TAF12: variants seen among roughly 807,000 people sequenced by gnomAD.
The protein encoded by TAF12 is transcription initiation factor TFIID subunit 12.
TAF12 carries 3 observed loss-of-function variants against 20.8 expected under a neutral mutation model. That is an observed-to-expected ratio of 0.14 (90% CI 0.07 to 0.37). The LOEUF is 0.37. Among genes scored for constraint, TAF12 ranks in the 10% least tolerant of loss-of-function variants. The pLI, the probability that TAF12 is intolerant of heterozygous loss-of-function variation, is 1.00. For missense variants in TAF12, 131 were observed against 197.9 expected (o/e 0.66, Z 2.03); for synonymous variants, 69 against 70.2 (o/e 0.98, Z 0.09).
At chr1:28,617,108 G>A (rs1570308339) in intron 3 of TAF12, among the ~76,000 whole-genome samples, 1 of 151,734 alleles carries the variant, frequency 6.6e-6, no homozygotes, top group Admixed American at 6.6e-5. Flanking sequence ...CATCAACAGC[G>A]AAACTCCGTC....
At chr1:28,607,359 G>A (rs1666700068) in intron 4 of TAF12, among the ~76,000 whole-genome samples, 1 of 151,508 alleles carries the variant, frequency 6.6e-6, no homozygotes, top group African/African-American at 2.4e-5. Context: ...TAGTGAGACT[G>A]CATTGTTACT....
In TAF12 at chr1:28,618,162, T is replaced by C. The variant is rs113818791; in HGVS notation, c.169-132A>G. 6.9e-6 allele frequency: 5 copies of C among 728,946 alleles called. No individual in the cohort carries two copies. In the African/African-American group the frequency reaches 7.1e-5, roughly 10 times the overall value. The allele number at this position is 728,946 out of a possible 1,614,324, so 45.2% of individuals were successfully genotyped here. On this transcript the variant is annotated intron_variant, in intron 2 of 5. Coordinates refer to ENST00000373824, the MANE Select transcript of TAF12 (RefSeq NM_005644.4). ...TTTCCAATGAGTTCACAGTCTGGCC[T>C]ACCTGACTATGCTGCTGTAAGACTA...
chr1:28,603,448 T>C lies in TAF12; in HGVS notation c.*91A>G. ...AAAATATATGCTTCTCTGTAAAGCA[T>C]TAAAAAAAAAAATCCAAGGATGAGA... On this transcript the variant is annotated 3_prime_UTR_variant, in exon 6 of 6. Transcript: ENST00000373824. 2 of 1,383,722 alleles carry C rather than the reference T, an allele frequency of 1.4e-6. No homozygotes were observed. The highest frequency in any genetic ancestry group is 2.0e-6 in the Non-Finnish European group (2 of 977,686). The allele number at this position is 1,383,722 out of a possible 1,614,324, so 85.7% of individuals were successfully genotyped here.
At position 28,643,011 on chromosome 1, in the gene TAF12, C is replaced by G. The variant is rs983571332; in HGVS notation, c.-104G>C. On this transcript the variant is annotated 5_prime_UTR_variant, in exon 1 of 6. Coordinates refer to ENST00000373824, the MANE Select transcript of TAF12 (RefSeq NM_005644.4). ...ACTCACAGGCAGCAGCGTCTATCTC[C>G]CCATGATATGCAGAGACTGCCCCAG... 9.1e-6 allele frequency: 9 copies of G among 985,900 alleles called. No individual in the cohort carries two copies. Among genetic ancestry groups the G allele is most frequent in the Non-Finnish European group, 1.1e-5 (9 of 830,056 alleles). The allele number at this position is 985,900 out of a possible 1,614,324, so 61.1% of individuals were successfully genotyped here.
At chr1:28,607,891 C>G (rs1666720786) in intron 4 of TAF12, among the ~76,000 whole-genome samples, 1 of 151,804 alleles carries the variant, frequency 6.6e-6, no homozygotes, top group African/African-American at 2.4e-5. Context: ...AATCCCACCA[C>G]TTTGGGAGGC....
intron 5 of TAF12, among the ~76,000 whole-genome samples, chr1:28,604,962 C>G (rs914917188): frequency 1.3e-5 from 2 of 152,188 alleles, no homozygotes; most frequent in African/African-American, 4.8e-5. Flanking sequence ...TGGATACTAC[C>G]TCTCAGAACA....
chr1:28,618,165 C>T lies in TAF12; in HGVS notation c.169-135G>A, dbSNP rs1240791431. On this transcript the variant is annotated intron_variant, in intron 2 of 5. Coordinates refer to ENST00000373824, the MANE Select transcript of TAF12 (RefSeq NM_005644.4). ...CCAATGAGTTCACAGTCTGGCCTAC[C>T]TGACTATGCTGCTGTAAGACTACAC... 1.1e-5 allele frequency: 8 copies of T among 715,376 alleles called. No homozygotes were observed. The East Asian group carries it at 1.9e-4, about 17-fold the overall frequency. 44.3% of individuals were successfully genotyped at this position (715,376 alleles called of 1,614,324 possible). A position where few individuals can be genotyped will look rare whatever the true frequency, so the allele number is the denominator to read the frequency against.
intron 1 of TAF12, among the ~76,000 whole-genome samples, chr1:28,632,379 T>C (rs1230875255): frequency 2.0e-5 from 3 of 152,028 alleles, no homozygotes; most frequent in African/African-American, 7.2e-5. Context: ...GAGGTTGCAG[T>C]GAGCCAAGAT....
intron 3 of TAF12, 56 bp downstream of exon 3, chr1:28,617,897 A>G: frequency 3.3e-6 from 5 of 1,514,076 alleles, no homozygotes; most frequent in Non-Finnish European, 4.6e-6. Context: ...GCTCTTAACC[A>G]CTATGCTATA....
rs543674358 is a variant in TAF12 at position 28,623,569 on chromosome 1, GCATT to G, written c.-84-1408_-84-1405del. ...TTGTAAAAATAGTTAAGTACTACAT[GCATT>G]ATTTTTAAAGTATCAAATAATGTTA... On this transcript the variant is annotated intron_variant, in intron 1 of 5. Coordinates refer to ENST00000373824, the MANE Select transcript of TAF12 (RefSeq NM_005644.4). Among the ~76,000 whole-genome samples the G allele has an allele frequency of 2.9e-3, 437 of 152,188 alleles. 1 individual carries two copies. Among genetic ancestry groups the G allele is most frequent in the African/African-American group, 9.4e-3 (389 of 41,528 alleles).
At chr1:28,619,584 T>G (rs1310301729) in intron 2 of TAF12, among the ~76,000 whole-genome samples, 1 of 148,986 alleles carries the variant, frequency 6.7e-6, no homozygotes, top group Non-Finnish European at 1.5e-5. Flanking sequence ...AGTGCCCATT[T>G]GAGTCTCTTC....
At chr1:28,635,322 C>T (rs1439597489) in intron 1 of TAF12, among the ~76,000 whole-genome samples, 24 of 89,622 alleles carry the variant, frequency 2.7e-4, no homozygotes, top group African/African-American at 7.3e-4. Flanking sequence ...CTCACTGTGT[C>T]GCCCAGGCTA....
chr1:28,628,708 T>C (rs914846346), intron 1 of TAF12, among the ~76,000 whole-genome samples: 2 of 151,522 alleles, frequency 1.3e-5, no homozygotes, highest in Non-Finnish European at 2.9e-5. Context: ...CACGAAATGG[T>C]CTCCAAGAGA....
intron 1 of TAF12, among the ~76,000 whole-genome samples, chr1:28,631,550 C>A (rs1231971380): frequency 2.0e-5 from 3 of 151,990 alleles, no homozygotes; most frequent in Non-Finnish European, 4.4e-5. Context: ...AATGGGCAGA[C>A]TGGGCATGAT....
upstream of TAF12, among the ~76,000 whole-genome samples, chr1:28,644,634 C>T (rs1668137853): frequency 6.6e-6 from 1 of 152,166 alleles, no homozygotes; most frequent in Non-Finnish European, 1.5e-5. Flanking sequence ...AGCAACTGCA[C>T]AAAAGGGTGA....
At position 28,623,973 on chromosome 1, in the gene TAF12, T is replaced by G. The variant is rs986925708; in HGVS notation, c.-84-1808A>C. The G allele has an allele frequency of 3.4e-5, 34 of 985,712 alleles. 1 individual carries two copies. The East Asian group carries it at 1.5e-3, about 43-fold the overall frequency. 61.1% of individuals were successfully genotyped at this position (985,712 alleles called of 1,614,324 possible). On this transcript the variant is annotated intron_variant, in intron 1 of 5. Coordinates refer to ENST00000373824, the MANE Select transcript of TAF12 (RefSeq NM_005644.4). ...CTATCTGAGTGTCTAGATCTTTAATTACATCAGCAACAGCTGTGAGCCCGG... is the reference window on the plus strand; with the variant it reads ...CTATCTGAGTGTCTAGATCTTTAATGACATCAGCAACAGCTGTGAGCCCGG...
At chr1:28,642,351 T>C (rs1368205426) in intron 1 of TAF12, among the ~76,000 whole-genome samples, 3 of 152,144 alleles carry the variant, frequency 2.0e-5, no homozygotes, top group Non-Finnish European at 4.4e-5. Context: ...CCTTTCCCTT[T>C]ACTTTGTAGG....
In TAF12 at chr1:28,603,481, G is replaced by A; in HGVS notation, c.*58C>T. 1 of 1,585,384 alleles carries A rather than the reference G, an allele frequency of 6.3e-7. No individual in the cohort carries two copies. Among genetic ancestry groups the A allele is most frequent in the Non-Finnish European group, 8.6e-7 (1 of 1,156,452 alleles). Reference sequence around the variant, plus strand: ...AAAAATCCAAGGATGAGATGGCTGAGTTCTCAGCTCAAGTATCTCCAAATA... The same window carrying A: ...AAAAATCCAAGGATGAGATGGCTGAATTCTCAGCTCAAGTATCTCCAAATA... On this transcript the variant is annotated 3_prime_UTR_variant, in exon 6 of 6. Coordinates refer to ENST00000373824, the MANE Select transcript of TAF12 (RefSeq NM_005644.4).
intron 3 of TAF12, among the ~76,000 whole-genome samples, chr1:28,616,926 CCTGA>C (rs1667060763): frequency 6.6e-6 from 1 of 151,608 alleles, no homozygotes; most frequent in Non-Finnish European, 1.5e-5. Flanking sequence ...TTGAGACCAG[CCTGA>C]CTGACATGGA....
Sources: allele counts gnomAD v4.1 joint callset (sites outside exome capture counted in the v4.1 genomes callset), GRCh38; gene constraint gnomAD v4.1.1; transcripts MANE v1.5; gene names NCBI Gene and HGNC (gene_info 2026-07-23, HGNC 2026-07-21).